Variants in ENAH observed in about 807,000 individuals in gnomAD.
The protein encoded by ENAH is protein enabled homolog.
In ENAH, 23 loss-of-function variants were observed where a neutral mutation model predicts 78.7. The ratio of observed to expected loss-of-function variants is 0.29; its 90% confidence interval spans 0.21 to 0.41. The LOEUF (loss-of-function observed/expected upper bound fraction) is 0.41. Among genes scored for constraint, ENAH ranks in the 10% least tolerant of loss-of-function variants. The pLI is 1.00. For missense variants in ENAH, 544 were observed against 691.0 expected, an observed-to-expected ratio of 0.79 and a Z score of 2.39; for synonymous variants, 226 against 241.0, an observed-to-expected ratio of 0.94 and a Z score of 0.58.
At chr1:225,500,902 C>A in intron 12 of ENAH, 90 bp downstream of exon 12, 1 of 1,163,756 alleles carries the variant, frequency 8.6e-7, no homozygotes, top group South Asian at 1.4e-5. Flanking sequence ...TTTCTAAGTA[C>A]ATTCAGGATC....
intron 3 of ENAH, among the ~76,000 whole-genome samples, chr1:225,538,471 T>TA (rs34534319): frequency 0.021 from 3,125 of 152,154 alleles, 99 homozygotes; most frequent in African/African-American, 0.067. Context: ...TAAAATGTGA[T>TA]AAAAAAACTT....
intron 2 of ENAH, among the ~76,000 whole-genome samples, chr1:225,558,273 T>C (rs958034619): frequency 2.0e-5 from 3 of 152,180 alleles, no homozygotes; most frequent in Non-Finnish European, 4.4e-5. Flanking sequence ...TCTTTTTGTA[T>C]TCTCTGGAAA....
intron 3 of ENAH, among the ~76,000 whole-genome samples, chr1:225,541,788 C>A (rs542926926): frequency 1.3e-4 from 20 of 152,168 alleles, no homozygotes; most frequent in Non-Finnish European, 2.5e-4. Flanking sequence ...ATCAGAAGAA[C>A]TTATTCTCAC....
chr1:225,585,194 C>T (rs1380273961), intron 1 of ENAH, among the ~76,000 whole-genome samples: 4 of 115,552 alleles, frequency 3.5e-5, no homozygotes, highest in African/African-American at 1.0e-4. Flanking sequence ...CCCATCTGGG[C>T]GACGGAGTGA....
intron 1 of ENAH, among the ~76,000 whole-genome samples, chr1:225,651,062 T>A (rs941903851): frequency 2.6e-5 from 4 of 151,966 alleles, no homozygotes; most frequent in Admixed American, 2.6e-4. Flanking sequence ...CATCAGTAAC[T>A]TGATTTAAAA....
intron 1 of ENAH, among the ~76,000 whole-genome samples, chr1:225,580,656 G>A (rs1008400532): frequency 2.0e-5 from 3 of 152,040 alleles, no homozygotes; most frequent in South Asian, 4.2e-4. Flanking sequence ...TGCAATTCAC[G>A]CCTGTAATCC....
At chr1:225,563,749 G>A (rs772994771) in intron 2 of ENAH, among the ~76,000 whole-genome samples, 7 of 151,998 alleles carry the variant, frequency 4.6e-5, no homozygotes, top group Non-Finnish European at 8.8e-5. Flanking sequence ...TCTCCCAAAC[G>A]TGTTCTGTGT....
intron 1 of ENAH, among the ~76,000 whole-genome samples, chr1:225,606,431 C>T (rs1160735583): frequency 1.3e-5 from 2 of 150,792 alleles, no homozygotes; most frequent in African/African-American, 4.9e-5. Context: ...TGCACTCCAG[C>T]CTGGGCAACA....
At chr1:225,523,579 G>T (rs1305678153) in intron 4 of ENAH, among the ~76,000 whole-genome samples, 1 of 152,102 alleles carries the variant, frequency 6.6e-6, no homozygotes, top group East Asian at 1.9e-4. Context: ...GGTAAGAAAA[G>T]AAAGTGTTGA....
intron 1 of ENAH, among the ~76,000 whole-genome samples, chr1:225,646,548 T>C (rs1030957881): frequency 1.3e-5 from 2 of 152,154 alleles, no homozygotes; most frequent in Admixed American, 6.6e-5. Context: ...CCGGGCGCTG[T>C]GGCTCCCACC....
rs113142403 is a variant in ENAH at position 225,547,535 on chromosome 1, T to C, written c.349+7371A>G. Among the ~76,000 whole-genome samples the C allele has an allele frequency of 2.5e-3, 375 of 152,336 alleles. 2 individuals carry two copies. The highest frequency in any genetic ancestry group is 8.5e-3 in the African/African-American group (355 of 41,572). Reference sequence around the variant, plus strand: ...TCTATTTCTGCCTCCACTCAGGAACTGAATGCTTGACTTACAGCCTCCAGT... The same window carrying C: ...TCTATTTCTGCCTCCACTCAGGAACCGAATGCTTGACTTACAGCCTCCAGT... On this transcript the variant is annotated intron_variant, in intron 3 of 13. Transcript: ENST00000366843.
chr1:225,594,314 A>T (rs78304275), intron 1 of ENAH, among the ~76,000 whole-genome samples: 5,479 of 152,122 alleles, frequency 0.036, 172 homozygotes, highest in South Asian at 0.05. Flanking sequence ...CAATCTATTA[A>T]ATCCTATCAT....
chr1:225,646,540 G>A (rs894384710), intron 1 of ENAH, among the ~76,000 whole-genome samples: 6 of 152,122 alleles, frequency 3.9e-5, no homozygotes, highest in South Asian at 2.1e-4. Flanking sequence ...TGTCTAGGCC[G>A]GGCGCTGTGG....
At chr1:225,508,691 G>C (rs1382468282) in intron 10 of ENAH, 1 of 152,212 alleles carries the variant, frequency 6.6e-6, no homozygotes, top group Admixed American at 6.5e-5. Context: ...TATTGTGCTT[G>C]AATTGTTTTT....
At chr1:225,558,627 CTTTTTTTT>C (rs71170091) in intron 2 of ENAH, among the ~76,000 whole-genome samples, 4 of 69,248 alleles carry the variant, frequency 5.8e-5, no homozygotes, top group East Asian at 5.1e-4. Context: ...TAATTTCTGC[CTTTTTTTT>C]TTTTTTTTTT....
chr1:225,581,517 G>C (rs188633513), intron 1 of ENAH, among the ~76,000 whole-genome samples: 200 of 152,134 alleles, frequency 1.3e-3, no homozygotes, highest in Middle Eastern at 3.4e-3. Context: ...AATGAATAGT[G>C]TCAGCAAAAG....
chr1:225,603,301 C>T (rs2096939582), intron 1 of ENAH, among the ~76,000 whole-genome samples: 1 of 152,086 alleles, frequency 6.6e-6, no homozygotes, highest in Admixed American at 6.5e-5. Context: ...AGTTTAACTA[C>T]ACCGATGGCT....
intron 4 of ENAH, among the ~76,000 whole-genome samples, chr1:225,527,331 A>G (rs1575415739): frequency 6.6e-6 from 1 of 152,334 alleles, no homozygotes; most frequent in East Asian, 1.9e-4. Flanking sequence ...TCAAGTTTTA[A>G]AAAATGATTT....
intron 7 of ENAH, among the ~76,000 whole-genome samples, chr1:225,514,094 G>T (rs74582218): frequency 0.043 from 6,543 of 152,224 alleles, 229 homozygotes; most frequent in South Asian, 0.11. Flanking sequence ...TGTAGGTGAT[G>T]AATTTATAGA....
Sources: gnomAD v4.1 joint callset for allele counts (sites outside exome capture counted in the v4.1 genomes callset) on GRCh38, gnomAD v4.1.1 for gene constraint, MANE v1.5 for transcripts, NCBI Gene and HGNC (gene_info 2026-07-23, HGNC 2026-07-21) for gene names.